The following SKAP1 variants were observed in gnomAD, a reference collection of about 807,000 sequenced individuals.
The protein encoded by SKAP1 is src kinase associated phosphoprotein 1.
SKAP1 carries 44 observed loss-of-function variants against 58.5 expected under a neutral mutation model. The ratio of observed to expected loss-of-function variants is 0.75; its 90% CI spans 0.59 to 0.97. The LOEUF is 0.97. SKAP1 is among the 50% of genes least tolerant of loss of function. The probability of loss-of-function intolerance (pLI) is 0.00; values close to 1 mark genes in which losing one functional copy is unlikely to be tolerated. For synonymous variants in SKAP1, 127 were observed against 149.7 expected, an observed-to-expected ratio of 0.85 and a Z score of 1.11; for missense variants, 390 against 435.2, an observed-to-expected ratio of 0.90 and a Z score of 0.92.
intron 4 of SKAP1, among the ~76,000 whole-genome samples, chr17:48,250,291 T>C (rs2065347832): frequency 7.8e-6 from 1 of 127,694 alleles, no homozygotes; most frequent in Non-Finnish European, 1.7e-5. Flanking sequence ...TTTTTTTTTT[T>C]TTTTTTTTGA....
chr17:48,354,095 G>A (rs1275708306), intron 3 of SKAP1, among the ~76,000 whole-genome samples: 2 of 152,046 alleles, frequency 1.3e-5, no homozygotes, highest in Non-Finnish European at 1.5e-5. Flanking sequence ...AGATTAGCAG[G>A]CCTAAACATG....
chr17:48,387,218 T>C (rs1384542732), intron 2 of SKAP1, among the ~76,000 whole-genome samples: 1 of 152,212 alleles, frequency 6.6e-6, no homozygotes, highest in Non-Finnish European at 1.5e-5. Context: ...ACAATTCTTT[T>C]AAAGAATAGT....
intron 11 of SKAP1, among the ~76,000 whole-genome samples, chr17:48,148,870 T>C (rs1015597084): frequency 4.6e-5 from 7 of 152,230 alleles, no homozygotes; most frequent in African/African-American, 1.7e-4. Context: ...ATTGAGGTTG[T>C]TTGGTGCAAA....
At chr17:48,303,695 C>T (rs1412359786) in intron 4 of SKAP1, among the ~76,000 whole-genome samples, 1 of 152,180 alleles carries the variant, frequency 6.6e-6, no homozygotes, top group Non-Finnish European at 1.5e-5. Flanking sequence ...GTAGAATACA[C>T]AGGCTTGGGG....
At chr17:48,370,243 A>G (rs1008258155) in intron 2 of SKAP1, among the ~76,000 whole-genome samples, 1 of 152,196 alleles carries the variant, frequency 6.6e-6, no homozygotes, top group African/African-American at 2.4e-5. Context: ...AAAATGCTCA[A>G]CATTACTAAT....
chr17:48,399,517 T>C (rs2067467502), intron 1 of SKAP1, among the ~76,000 whole-genome samples: 1 of 152,076 alleles, frequency 6.6e-6, no homozygotes, highest in Non-Finnish European at 1.5e-5. Flanking sequence ...CCCAACCTTT[T>C]GGGAGGCCGA....
At chr17:48,195,308 G>C (rs68092669) in intron 4 of SKAP1, among the ~76,000 whole-genome samples, 1 of 152,144 alleles carries the variant, frequency 6.6e-6, no homozygotes. Flanking sequence ...GTCATCTTCC[G>C]ATGCTAACAA....
chr17:48,283,965 C>G (rs1443151806), intron 4 of SKAP1, among the ~76,000 whole-genome samples: 1 of 152,198 alleles, frequency 6.6e-6, no homozygotes. Flanking sequence ...TCTGTCTACT[C>G]CTCTTAGAAT....
At chr17:48,169,539 C>G (rs768300055) in intron 10 of SKAP1, among the ~76,000 whole-genome samples, 3 of 152,220 alleles carry the variant, frequency 2.0e-5, no homozygotes, top group Non-Finnish European at 4.4e-5. Context: ...ATCCGTGCAT[C>G]ACACCCGCCT....
At chr17:48,306,407 A>C (rs1224949170) in intron 4 of SKAP1, among the ~76,000 whole-genome samples, 1 of 152,216 alleles carries the variant, frequency 6.6e-6, no homozygotes, top group Non-Finnish European at 1.5e-5. Flanking sequence ...TGTTCATAAG[A>C]GGACTTACTT....
chr17:48,272,697 A>G (rs2143992182), intron 4 of SKAP1, among the ~76,000 whole-genome samples: 1 of 152,042 alleles, frequency 6.6e-6, no homozygotes, highest in Middle Eastern at 3.4e-3. Context: ...CTGGGACCAC[A>G]GGTGTGCACC....
In SKAP1 at chr17:48,133,593, T is replaced by C. The variant is rs978507402; in HGVS notation, c.*231A>G. The C allele has an allele frequency of 4.6e-5, 7 of 152,260 alleles. No individual in the cohort carries two copies. Among genetic ancestry groups the C allele is most frequent in the African/African-American group, 1.7e-4 (7 of 41,428 alleles). 9.4% of individuals were successfully genotyped at this position (152,260 alleles called of 1,614,324 possible). On this transcript the variant is annotated 3_prime_UTR_variant, in exon 13 of 13. Coordinates refer to ENST00000336915, the MANE Select transcript of SKAP1 (RefSeq NM_003726.4). ...GTGGTTGTGTGGACACATTTAGAGA[T>C]GGGGATGAGCTATGACTAGGCTGGT...
intron 4 of SKAP1, among the ~76,000 whole-genome samples, chr17:48,230,399 G>C (rs565324846): frequency 1.3e-5 from 2 of 152,180 alleles, no homozygotes; most frequent in South Asian, 4.1e-4. Context: ...TGATGGGGGA[G>C]AGGGAAGATC....
chr17:48,257,908 G>A (rs1371430105), intron 4 of SKAP1, among the ~76,000 whole-genome samples: 1 of 151,988 alleles, frequency 6.6e-6, no homozygotes, highest in Non-Finnish European at 1.5e-5. Context: ...CATGCAAGAG[G>A]TTGATTTGCT....
intron 11 of SKAP1, among the ~76,000 whole-genome samples, chr17:48,159,135 A>AC (rs1171861973): frequency 6.6e-6 from 1 of 152,168 alleles, no homozygotes; most frequent in Admixed American, 6.5e-5. Context: ...AGAGGGGGAA[A>AC]CCAGATGTAT....
intron 11 of SKAP1, among the ~76,000 whole-genome samples, chr17:48,153,777 C>A (rs1306891043): frequency 6.6e-6 from 1 of 151,490 alleles, no homozygotes; most frequent in African/African-American, 2.4e-5. Context: ...TAAATTACCT[C>A]CCAGATAACC....
At chr17:48,255,415 A>AATAT (rs891124442) in intron 4 of SKAP1, among the ~76,000 whole-genome samples, 1 of 149,396 alleles carries the variant, frequency 6.7e-6, no homozygotes, top group African/African-American at 2.4e-5. Context: ...GTACTAACTA[A>AATAT]ATATATATAT....
intron 4 of SKAP1, among the ~76,000 whole-genome samples, chr17:48,292,501 A>G (rs1252563661): frequency 1.3e-5 from 2 of 152,216 alleles, no homozygotes; most frequent in Admixed American, 6.5e-5. Context: ...AAAAATACAT[A>G]TTTTAAGATA....
At chr17:48,402,105 G>A (rs902980539) in intron 1 of SKAP1, among the ~76,000 whole-genome samples, 3 of 152,108 alleles carry the variant, frequency 2.0e-5, no homozygotes, top group Admixed American at 2.0e-4. Context: ...GGTTACAGGC[G>A]AAAAGAACAA....
Sources: gnomAD v4.1 joint callset for allele counts (sites outside exome capture counted in the v4.1 genomes callset) on GRCh38, gnomAD v4.1.1 for gene constraint, MANE v1.5 for transcripts, NCBI Gene and HGNC (gene_info 2026-07-23, HGNC 2026-07-21) for gene names.